Variants in ENTREP2 observed in about 807,000 individuals in gnomAD.
ENTREP2 encodes the protein protein ENTREP2.
chr15:29,500,518 A>T, the ENTREP2 span, among the ~76,000 whole-genome samples: 1 of 152,096 alleles, frequency 6.6e-6, no homozygotes, highest in Non-Finnish European at 1.5e-5. Flanking sequence ...TTACAAGAGA[A>T]CTTAGAAAAT....
chr15:29,355,855 T>C, the ENTREP2 span, among the ~76,000 whole-genome samples: 2 of 152,180 alleles, frequency 1.3e-5, no homozygotes, highest in Non-Finnish European at 2.9e-5. Flanking sequence ...GTGGAATGGC[T>C]GAGCTAAATA....
At chr15:29,334,907 C>G in the ENTREP2 span, among the ~76,000 whole-genome samples, 1 of 152,168 alleles carries the variant, frequency 6.6e-6, no homozygotes, top group Non-Finnish European at 1.5e-5. Context: ...GGTGTCTGGC[C>G]AGCCCTGGCT....
At chr15:29,376,718 T>C in the ENTREP2 span, 1 of 152,214 alleles carries the variant, frequency 6.6e-6, no homozygotes, top group Non-Finnish European at 1.5e-5. Context: ...CGGCAGGGAC[T>C]GTACAGCTCT....
At chr15:29,198,448 C>T in the ENTREP2 span, among the ~76,000 whole-genome samples, 1 of 152,216 alleles carries the variant, frequency 6.6e-6, no homozygotes, top group Non-Finnish European at 1.5e-5. Context: ...GGTGTGAATT[C>T]AGGCTAATCC....
chr15:29,435,069 C>T, the ENTREP2 span, among the ~76,000 whole-genome samples: 1 of 152,128 alleles, frequency 6.6e-6, no homozygotes, highest in Non-Finnish European at 1.5e-5. Flanking sequence ...GTTTTCCTTT[C>T]CTCCCCATTT....
At chr15:29,213,860 C>G in the ENTREP2 span, among the ~76,000 whole-genome samples, 1 of 152,106 alleles carries the variant, frequency 6.6e-6, no homozygotes, top group Non-Finnish European at 1.5e-5. Context: ...AAAAACAACC[C>G]TATCTAAAAG....
At chr15:29,391,743 A>C in the ENTREP2 span, among the ~76,000 whole-genome samples, 1 of 152,220 alleles carries the variant, frequency 6.6e-6, no homozygotes, top group Non-Finnish European at 1.5e-5. Context: ...ATATATTATT[A>C]TAATACATTT....
chr15:29,383,839 T>C, the ENTREP2 span, among the ~76,000 whole-genome samples: 1 of 152,046 alleles, frequency 6.6e-6, no homozygotes, highest in Non-Finnish European at 1.5e-5. Flanking sequence ...CTCCCAAGCC[T>C]CTCACACGTG....
chr15:29,657,215 C>CA, the ENTREP2 span, among the ~76,000 whole-genome samples: 1 of 146,568 alleles, frequency 6.8e-6, no homozygotes, highest in Non-Finnish European at 1.5e-5. Flanking sequence ...GCCGCGCCAG[C>CA]TTTTTTTTTT....
chr15:29,596,688 G>C, the ENTREP2 span, among the ~76,000 whole-genome samples: 1 of 151,286 alleles, frequency 6.6e-6, no homozygotes. Context: ...TTTTTTTTTA[G>C]ACAGATTCTT....
chr15:29,603,189 GC>G, the ENTREP2 span, among the ~76,000 whole-genome samples: 1 of 152,186 alleles, frequency 6.6e-6, no homozygotes, highest in Non-Finnish European at 1.5e-5. Context: ...ATGTGACCTG[GC>G]CCTGGGTGGA....
chr15:29,599,925 A>G, the ENTREP2 span, among the ~76,000 whole-genome samples: 2 of 151,278 alleles, frequency 1.3e-5, no homozygotes, highest in African/African-American at 4.8e-5. Flanking sequence ...TCAGCTCCCT[A>G]CCTTCCTAGC....
At chr15:29,406,255 T>C in the ENTREP2 span, among the ~76,000 whole-genome samples, 7 of 152,218 alleles carry the variant, frequency 4.6e-5, no homozygotes, top group African/African-American at 1.7e-4. Flanking sequence ...AAATATATTT[T>C]TTAACAAGCT....
the ENTREP2 span, among the ~76,000 whole-genome samples, chr15:29,261,975 ATAAAG>A: frequency 4.6e-5 from 7 of 151,746 alleles, no homozygotes; most frequent in African/African-American, 7.2e-5. Context: ...GAAAGGAAAC[ATAAAG>A]TAATTAAATC....
the ENTREP2 span, among the ~76,000 whole-genome samples, chr15:29,315,651 A>C: frequency 6.6e-6 from 1 of 152,198 alleles, no homozygotes; most frequent in African/African-American, 2.4e-5. Flanking sequence ...CTCTAACCGG[A>C]AAGTTGAGAA....
At chr15:29,455,033 CTG>C in the ENTREP2 span, among the ~76,000 whole-genome samples, 1 of 152,204 alleles carries the variant, frequency 6.6e-6, no homozygotes, top group Non-Finnish European at 1.5e-5. Flanking sequence ...CTCAGCTTGA[CTG>C]TGTGATTTGC....
At chr15:29,386,975 T>C in the ENTREP2 span, among the ~76,000 whole-genome samples, 98 of 152,186 alleles carry the variant, frequency 6.4e-4, 1 homozygote, top group African/African-American at 1.9e-3. Flanking sequence ...CTTTTCCTAA[T>C]TGAATACCCT....
chr15:29,473,651 T>C, the ENTREP2 span, among the ~76,000 whole-genome samples: 1 of 152,220 alleles, frequency 6.6e-6, no homozygotes, highest in African/African-American at 2.4e-5. Flanking sequence ...CAGAAAAATA[T>C]GTTTTTGAAA....
the ENTREP2 span, among the ~76,000 whole-genome samples, chr15:29,634,957 C>T: frequency 6.6e-6 from 1 of 152,158 alleles, no homozygotes; most frequent in African/African-American, 2.4e-5. Context: ...AAGCTCCTGC[C>T]ATCCAGCCTC....
Sources: gnomAD v4.1 joint callset for allele counts (sites outside exome capture counted in the v4.1 genomes callset) on GRCh38, gnomAD v4.1.1 for gene constraint, MANE v1.5 for transcripts, NCBI Gene and HGNC (gene_info 2026-07-23, HGNC 2026-07-21) for gene names.